Variants in PLCG2 observed in about 807,000 individuals in gnomAD.
PLCG2 encodes the protein 1-phosphatidylinositol 4,5-bisphosphate phosphodiesterase gamma-2.
In PLCG2, 69 loss-of-function variants were observed where a neutral mutation model predicts 175.6. The observed-to-expected ratio is 0.39, with a 90% CI of 0.32 to 0.48. The LOEUF is 0.48. Ranked by LOEUF, PLCG2 falls within the 20% of genes least tolerant of loss-of-function variation. The probability of loss-of-function intolerance (pLI) is 0.91; values close to 1 mark genes in which losing one functional copy is unlikely to be tolerated. For missense variants in PLCG2, 1,798 were observed against 1,650.9 expected, an observed-to-expected ratio of 1.09 and a Z score of -1.54; for synonymous variants, 827 against 624.0, an observed-to-expected ratio of 1.33 and a Z score of -4.85.
intron 1 of PLCG2, among the ~76,000 whole-genome samples, chr16:81,783,954 T>A (rs1351973375): frequency 6.6e-6 from 1 of 152,196 alleles, no homozygotes; most frequent in African/African-American, 2.4e-5. Context: ...CTGAAAGCTT[T>A]TTCTGAGCCC....
At chr16:81,878,854 C>A (rs1461038810) in intron 7 of PLCG2, among the ~76,000 whole-genome samples, 1 of 152,136 alleles carries the variant, frequency 6.6e-6, no homozygotes, top group Non-Finnish European at 1.5e-5. Context: ...TCTTGGCTTT[C>A]ATTTGTTCTT....
At chr16:81,853,607 G>A (rs1158670029) in intron 2 of PLCG2, among the ~76,000 whole-genome samples, 1 of 152,212 alleles carries the variant, frequency 6.6e-6, no homozygotes, top group African/African-American at 2.4e-5. Context: ...ATGAGAATCT[G>A]ATGCCGCTGC....
At chr16:81,868,315 G>A (rs370063399) in intron 5 of PLCG2, among the ~76,000 whole-genome samples, 2 of 91,830 alleles carry the variant, frequency 2.2e-5, no homozygotes, top group African/African-American at 6.6e-5. Flanking sequence ...TCCCCTCCCT[G>A]GCCCTTAGTG....
At chr16:81,865,528 C>G (rs760056425) in intron 5 of PLCG2, among the ~76,000 whole-genome samples, 8 of 152,184 alleles carry the variant, frequency 5.3e-5, no homozygotes, top group Non-Finnish European at 8.8e-5. Context: ...TGCTCAAGCC[C>G]CTGGTTCCTG....
intron 2 of PLCG2, among the ~76,000 whole-genome samples, chr16:81,770,224 C>G (rs897388511): frequency 6.6e-6 from 1 of 152,192 alleles, no homozygotes; most frequent in African/African-American, 2.4e-5. Context: ...GAGAAACCAG[C>G]ACCCCTCAGG....
At chr16:81,917,864 G>A (rs1049117452) in intron 19 of PLCG2, among the ~76,000 whole-genome samples, 14 of 152,084 alleles carry the variant, frequency 9.2e-5, no homozygotes, top group African/African-American at 3.4e-4. Flanking sequence ...TGGGACTACA[G>A]GTGCCCGCCA....
intron 2 of PLCG2, among the ~76,000 whole-genome samples, chr16:81,812,631 G>T (rs963648097): frequency 6.6e-6 from 1 of 152,170 alleles, no homozygotes; most frequent in African/African-American, 2.4e-5. Flanking sequence ...CATTCTGTAT[G>T]TTGCCTGCTC....
upstream of PLCG2, among the ~76,000 whole-genome samples, chr16:81,774,710 A>C (rs1910361920): frequency 6.7e-6 from 1 of 149,128 alleles, no homozygotes; most frequent in Admixed American, 6.7e-5. Context: ...AGGAGGGGAA[A>C]GGAGGTCTGG....
At position 81,883,191 on chromosome 16, in the gene PLCG2, C is replaced by G. The variant is rs533919239; in HGVS notation, c.693-78C>G. On this transcript the variant is annotated intron_variant, in intron 8 of 32. Transcript: ENST00000564138. ...TGGGGCGTTCTGGGTGGCAGGCTGC[C>G]CCATTGGCTGGCATCTCCTCTCGAC... The G allele has an allele frequency of 6.5e-5, 83 of 1,280,830 alleles. No individual in the cohort carries two copies. In the African/African-American group the frequency reaches 9.1e-4, roughly 14 times the overall value. 79.3% of individuals were successfully genotyped at this position (1,280,830 alleles called of 1,614,324 possible).
chr16:81,768,985 C>G (rs1910214513), intron 2 of PLCG2, among the ~76,000 whole-genome samples: 1 of 152,196 alleles, frequency 6.6e-6, no homozygotes, highest in South Asian at 2.1e-4. Context: ...ATCTCCTTAT[C>G]CTCAGAGCCT....
intron 2 of PLCG2, among the ~76,000 whole-genome samples, chr16:81,804,846 A>G (rs896140931): frequency 6.6e-6 from 1 of 152,250 alleles, no homozygotes; most frequent in East Asian, 1.9e-4. Context: ...AGGATGAGAG[A>G]GTGTTCTTGA....
intron 28 of PLCG2, 26 bp downstream of exon 28, chr16:81,937,929 AG>A: frequency 6.2e-7 from 1 of 1,612,046 alleles, no homozygotes; most frequent in Non-Finnish European, 8.5e-7. Flanking sequence ...CCTTCCTGCC[AG>A]GGGAGCCAGC....
At chr16:81,825,280 C>A (rs1191524159) in intron 2 of PLCG2, among the ~76,000 whole-genome samples, 1 of 145,002 alleles carries the variant, frequency 6.9e-6, no homozygotes, top group Non-Finnish European at 1.5e-5. Flanking sequence ...AAGAGATGCT[C>A]TAATTTTTTT....
intron 2 of PLCG2, among the ~76,000 whole-genome samples, chr16:81,829,610 C>T (rs55866072): frequency 0.083 from 12,570 of 152,300 alleles, 588 homozygotes; most frequent in Middle Eastern, 0.14. Context: ...TTTATTTGGA[C>T]TTTAACAGTT....
Position 81,895,835 on chromosome 16 carries a change from G to C in PLCG2, c.1101G>C (p.Lys367Asn), listed in dbSNP as rs749734126. Reference sequence around the variant, plus strand: ...ACTGCTGGGACGGGCCCGATGGGAAGCCGGTCATCTACCATGGCTGGACGC... The same window carrying C: ...ACTGCTGGGACGGGCCCGATGGGAACCCGGTCATCTACCATGGCTGGACGC... ...ELDCWDGPDG[K>N]PVIYHGWTRT... Residue 367 changes from lysine (K) to asparagine (N), a missense_variant, in exon 13 of 33, where the codon AAG becomes AAC. Transcript: ENST00000564138. 1.1e-5 allele frequency: 17 copies of C among 1,614,032 alleles called. No homozygotes were observed.
Position 81,961,838 on chromosome 16 carries a change from A to C in PLCG2, c.*3840A>C, listed in dbSNP as rs539234773. ...GCAGCTATTTATAATGAGAAATTTT[A>C]GATGTCAATATAGCAATGTGCAAGA... On this transcript the variant is annotated 3_prime_UTR_variant, in exon 33 of 33. Coordinates refer to ENST00000564138, the MANE Select transcript of PLCG2 (RefSeq NM_002661.5). 2.4e-4 allele frequency: 49 copies of C among 202,456 alleles called. No individual in the cohort carries two copies. The South Asian group carries it at 9.1e-3, about 38-fold the overall frequency. 12.5% of individuals were successfully genotyped at this position (202,456 alleles called of 1,614,324 possible). A position where few individuals can be genotyped will look rare whatever the true frequency, so the allele number is the denominator to read the frequency against.
At chr16:81,865,426 C>A (rs1366747276) in intron 5 of PLCG2, among the ~76,000 whole-genome samples, 1 of 152,148 alleles carries the variant, frequency 6.6e-6, no homozygotes, top group African/African-American at 2.4e-5. Flanking sequence ...TGTCCCAGAG[C>A]TAGGAGCCCA....
chr16:81,931,002 C>G (rs1301398515), intron 24 of PLCG2, among the ~76,000 whole-genome samples: 1 of 151,968 alleles, frequency 6.6e-6, no homozygotes, highest in African/African-American at 2.4e-5. Context: ...ATTGGTCAAC[C>G]AAAAAGATAT....
intron 31 of PLCG2, among the ~76,000 whole-genome samples, chr16:81,952,633 C>T (rs1911412163): frequency 6.6e-6 from 1 of 152,156 alleles, no homozygotes; most frequent in South Asian, 2.1e-4. Flanking sequence ...ATGATAATAT[C>T]AGATTCTAGC....
Sources: gnomAD v4.1 joint callset for allele counts (sites outside exome capture counted in the v4.1 genomes callset) on GRCh38, gnomAD v4.1.1 for gene constraint, MANE v1.5 for transcripts, NCBI Gene and HGNC (gene_info 2026-07-23, HGNC 2026-07-21) for gene names.